Variants in ZMYM2 observed in about 807,000 individuals in gnomAD.
The protein encoded by ZMYM2 is zinc finger MYM-type protein 2.
In ZMYM2, 56 loss-of-function variants were observed where a neutral mutation model predicts 162.8. The observed-to-expected ratio is 0.34, with a 90% CI of 0.28 to 0.43. The LOEUF is 0.43. Among genes scored for constraint, ZMYM2 ranks in the 20% least tolerant of loss-of-function variants. ZMYM2 has a pLI of 1.00. For missense variants in ZMYM2, 1,275 were observed against 1,621.8 expected, an observed-to-expected ratio of 0.79 and a Z score of 3.67; for synonymous variants, 510 against 541.6, an observed-to-expected ratio of 0.94 and a Z score of 0.81.
At chr13:19,942,368 GA>G in the ZMYM2 span, among the ~76,000 whole-genome samples, 1 of 151,764 alleles carries the variant, frequency 6.6e-6, no homozygotes, top group African/African-American at 2.4e-5. Flanking sequence ...ATGTGAATGA[GA>G]AAAAGGAACC....
At chr13:20,020,705 A>G (rs1952008979) in intron 7 of ZMYM2, among the ~76,000 whole-genome samples, 1 of 151,406 alleles carries the variant, frequency 6.6e-6, no homozygotes, top group African/African-American at 2.4e-5. Context: ...TGTGGTTTGT[A>G]TTTGTATTGT....
At chr13:19,981,386 T>G (rs1277560096) in intron 2 of ZMYM2, among the ~76,000 whole-genome samples, 1 of 152,254 alleles carries the variant, frequency 6.6e-6, no homozygotes, top group Non-Finnish European at 1.5e-5. Flanking sequence ...ATGTTCAAAT[T>G]GTCCTATCTT....
intron 2 of ZMYM2, among the ~76,000 whole-genome samples, chr13:19,971,431 A>AG (rs1956328572): frequency 6.6e-6 from 1 of 150,560 alleles, no homozygotes. Context: ...CCACCACACC[A>AG]GGTTAATTTT....
At chr13:19,936,700 CAA>C in the ZMYM2 span, among the ~76,000 whole-genome samples, 518 of 152,058 alleles carry the variant, frequency 3.4e-3, 4 homozygotes, top group African/African-American at 0.012. Context: ...CCAGCCTGGG[CAA>C]AGAGTGAAAC....
the ZMYM2 span, among the ~76,000 whole-genome samples, chr13:19,894,391 G>T: frequency 6.6e-6 from 1 of 151,014 alleles, no homozygotes; most frequent in Non-Finnish European, 1.5e-5. Context: ...TGTTGCCAAG[G>T]CTGGAATGCA....
intron 6 of ZMYM2, among the ~76,000 whole-genome samples, chr13:20,011,965 G>A (rs1466123119): frequency 6.6e-6 from 1 of 151,996 alleles, no homozygotes; most frequent in South Asian, 2.1e-4. Flanking sequence ...GGCCAAGCTG[G>A]TTTCAAACTC....
chr13:20,038,695 C>T (rs930940961), intron 12 of ZMYM2, among the ~76,000 whole-genome samples: 2 of 152,058 alleles, frequency 1.3e-5, no homozygotes, highest in Non-Finnish European at 1.5e-5. Context: ...AGTTTGAAGT[C>T]AGGTGGCATG....
At chr13:19,946,182 C>T in the ZMYM2 span, among the ~76,000 whole-genome samples, 2 of 152,148 alleles carry the variant, frequency 1.3e-5, no homozygotes, top group East Asian at 3.8e-4. Flanking sequence ...CGACAATTCC[C>T]CACAAAGTGG....
chr13:20,074,235 T>TGAGA (rs1382514683), intron 21 of ZMYM2, among the ~76,000 whole-genome samples: 8 of 145,562 alleles, frequency 5.5e-5, no homozygotes, highest in African/African-American at 2.2e-4. Context: ...TGTGTGTGTG[T>TGAGA]GTGAGAGAGA....
intron 2 of ZMYM2, among the ~76,000 whole-genome samples, chr13:19,987,670 G>A (rs1949287047): frequency 7.2e-6 from 1 of 139,116 alleles, no homozygotes; most frequent in Non-Finnish European, 1.5e-5. Context: ...TAGGAAAGAT[G>A]GGGTTTTGTC....
chr13:19,926,903 A>G, the ZMYM2 span, among the ~76,000 whole-genome samples: 2 of 152,164 alleles, frequency 1.3e-5, no homozygotes, highest in African/African-American at 2.4e-5. Context: ...CCTGAGCTCA[A>G]GCAATTTGCC....
intron 10 of ZMYM2, among the ~76,000 whole-genome samples, chr13:20,032,733 C>T (rs1428874523): frequency 6.7e-6 from 1 of 150,358 alleles, no homozygotes; most frequent in African/African-American, 2.5e-5. Context: ...CTCAGTTTCC[C>T]AAGTAGCTGG....
chr13:20,050,916 T>G (rs1415002028), intron 12 of ZMYM2, among the ~76,000 whole-genome samples: 1 of 152,092 alleles, frequency 6.6e-6, no homozygotes, highest in Admixed American at 6.5e-5. Context: ...TAAAATTAAA[T>G]AAATGTATTT....
the ZMYM2 span, among the ~76,000 whole-genome samples, chr13:19,931,686 C>T: frequency 6.6e-6 from 1 of 152,186 alleles, no homozygotes; most frequent in Non-Finnish European, 1.5e-5. Flanking sequence ...TGCAGTCGTG[C>T]AATCATGGCT....
chr13:19,998,856 A>AT (rs1950197645), intron 3 of ZMYM2, among the ~76,000 whole-genome samples: 1 of 152,160 alleles, frequency 6.6e-6, no homozygotes, highest in Admixed American at 6.6e-5. Context: ...AAGGAAAATA[A>AT]TTTTTTTCCT....
At chr13:19,950,247 C>A in the ZMYM2 span, among the ~76,000 whole-genome samples, 3 of 151,910 alleles carry the variant, frequency 2.0e-5, no homozygotes, top group South Asian at 4.2e-4. Context: ...TATTTATTAC[C>A]TTTGGAAGTA....
At chr13:19,986,582 A>G (rs977193469) in intron 2 of ZMYM2, among the ~76,000 whole-genome samples, 4 of 152,034 alleles carry the variant, frequency 2.6e-5, no homozygotes, top group Admixed American at 2.6e-4. Context: ...TTTGAAAAAA[A>G]AATTTTTAAC....
chr13:20,064,045 C>T (rs1442466496), intron 18 of ZMYM2, among the ~76,000 whole-genome samples: 1 of 149,546 alleles, frequency 6.7e-6, no homozygotes, highest in Non-Finnish European at 1.5e-5. Context: ...TAAGTGTGCC[C>T]CATTTTTCAT....
At position 20,051,940 on chromosome 13, in the gene ZMYM2, G is replaced by A. The variant is rs187726410; in HGVS notation, c.2459-337G>A. Among the ~76,000 whole-genome samples, 508 of 152,202 alleles carry A rather than the reference G, an allele frequency of 3.3e-3. 2 individuals carry two copies. The highest frequency in any genetic ancestry group is 0.012 in the African/African-American group (490 of 41,546). On this transcript the variant is annotated intron_variant, in intron 13 of 24. Transcript: ENST00000610343. ...AAAATTATTTTTAGCAAATCGTATT[G>A]CTAGGGAGTAGGTTGGGAGGAAGAA...
Sources: allele counts gnomAD v4.1 joint callset (sites outside exome capture counted in the v4.1 genomes callset), GRCh38; gene constraint gnomAD v4.1.1; transcripts MANE v1.5; gene names NCBI Gene and HGNC (gene_info 2026-07-23, HGNC 2026-07-21).